IMMP2L: variants seen among roughly 807,000 people sequenced by gnomAD.
IMMP2L encodes inner mitochondrial membrane peptidase subunit 2.
A neutral mutation model predicts 19.3 loss-of-function variants in IMMP2L; 18 were observed. The ratio of observed to expected loss-of-function variants is 0.93; its 90% CI spans 0.64 to 1.38. The LOEUF (loss-of-function observed/expected upper bound fraction) is 1.38, where lower values mean the gene tolerates loss of function less well. IMMP2L is among the 40% of genes most tolerant of loss of function. The pLI, the probability that IMMP2L is intolerant of heterozygous loss-of-function variation, is 0.00. For missense variants in IMMP2L, 233 were observed against 218.2 expected, an observed-to-expected ratio of 1.07 and a Z score of -0.43; for synonymous variants, 76 against 73.0, an observed-to-expected ratio of 1.04 and a Z score of -0.21.
intron 1 of IMMP2L, among the ~76,000 whole-genome samples, chr7:111,526,869 CCAAATATGATGCCA>C (rs1846916864): frequency 6.6e-6 from 1 of 152,116 alleles, no homozygotes; most frequent in Admixed American, 6.6e-5. Context: ...CGGAATGCTT[CCAAATATGATGCCA>C]CAGCTATCTT....
chr7:111,438,664 G>C (rs1250218119), intron 3 of IMMP2L, among the ~76,000 whole-genome samples: 2 of 151,808 alleles, frequency 1.3e-5, no homozygotes, highest in Non-Finnish European at 2.9e-5. Flanking sequence ...TTACAATCTG[G>C]ACAAAGCTGA....
At chr7:111,137,739 T>G (rs1226656449) in intron 3 of IMMP2L, among the ~76,000 whole-genome samples, 1 of 152,214 alleles carries the variant, frequency 6.6e-6, no homozygotes, top group Non-Finnish European at 1.5e-5. Context: ...TGGATTTTTA[T>G]GAGAACTTTA....
intron 5 of IMMP2L, among the ~76,000 whole-genome samples, chr7:110,723,041 C>G (rs567318491): frequency 1.3e-5 from 2 of 152,208 alleles, no homozygotes; most frequent in Admixed American, 6.5e-5. Flanking sequence ...TAGGCAGATT[C>G]CCTTGTACCT....
intron 5 of IMMP2L, among the ~76,000 whole-genome samples, chr7:110,755,310 T>A (rs1235712151): frequency 6.6e-6 from 1 of 152,050 alleles, no homozygotes; most frequent in Non-Finnish European, 1.5e-5. Flanking sequence ...TTCTTCACAA[T>A]CATTAGAAAA....
chr7:111,529,680 A>C (rs1563317184), intron 1 of IMMP2L, among the ~76,000 whole-genome samples: 1 of 152,288 alleles, frequency 6.6e-6, no homozygotes, highest in East Asian at 1.9e-4. Flanking sequence ...AAAGATACCC[A>C]ATAAAAAAGT....
At chr7:110,777,871 T>C (rs1404508384) in intron 5 of IMMP2L, among the ~76,000 whole-genome samples, 1 of 152,024 alleles carries the variant, frequency 6.6e-6, no homozygotes, top group Admixed American at 6.6e-5. Flanking sequence ...TGAAAATAAG[T>C]CTTTCCTGTT....
chr7:110,782,598 G>T (rs186328959), intron 5 of IMMP2L, among the ~76,000 whole-genome samples: 1 of 151,752 alleles, frequency 6.6e-6, no homozygotes, highest in Admixed American at 6.6e-5. Context: ...ATGTTTATTT[G>T]CATATATTAG....
At chr7:111,433,864 A>G (rs1025250683) in intron 3 of IMMP2L, among the ~76,000 whole-genome samples, 1 of 151,808 alleles carries the variant, frequency 6.6e-6, no homozygotes, top group Non-Finnish European at 1.5e-5. Flanking sequence ...AAATGACCAT[A>G]CTACATGGAG....
intron 3 of IMMP2L, among the ~76,000 whole-genome samples, chr7:111,332,065 A>G (rs993771105): frequency 6.6e-6 from 1 of 151,954 alleles, no homozygotes; most frequent in African/African-American, 2.4e-5. Flanking sequence ...CAAAAACAAT[A>G]AGACAAAAAG....
intron 3 of IMMP2L, among the ~76,000 whole-genome samples, chr7:111,485,597 CAAAAAAAAAAAA>C (rs71147477): frequency 0.014 from 692 of 50,586 alleles, 14 homozygotes; most frequent in African/African-American, 0.056. Flanking sequence ...GACTCTGTTT[CAAAAAAAAAAAA>C]AAAAAAAAAA....
chr7:111,228,909 C>T (rs551049043), intron 3 of IMMP2L, among the ~76,000 whole-genome samples: 2 of 151,314 alleles, frequency 1.3e-5, no homozygotes, highest in South Asian at 4.2e-4. Context: ...TCAAAAATGA[C>T]CAAGAAGTAA....
chr7:111,220,660 T>C (rs1016785046), intron 3 of IMMP2L, among the ~76,000 whole-genome samples: 14 of 151,782 alleles, frequency 9.2e-5, no homozygotes, highest in African/African-American at 2.7e-4. Context: ...CAGAGACTGA[T>C]AGATATACAC....
intron 3 of IMMP2L, among the ~76,000 whole-genome samples, chr7:111,164,277 T>G (rs976979586): frequency 6.6e-6 from 1 of 152,036 alleles, no homozygotes; most frequent in African/African-American, 2.4e-5. Context: ...ACCAACCTAT[T>G]GCAGGGAGTG....
chr7:111,161,344 GCT>G (rs1366399048), intron 3 of IMMP2L, among the ~76,000 whole-genome samples: 4 of 151,774 alleles, frequency 2.6e-5, no homozygotes, highest in Non-Finnish European at 5.9e-5. Flanking sequence ...CGAACAAAAT[GCT>G]ATAAAAATAA....
At chr7:111,047,090 T>C (rs1157619942) in intron 3 of IMMP2L, among the ~76,000 whole-genome samples, 1 of 152,222 alleles carries the variant, frequency 6.6e-6, no homozygotes, top group Non-Finnish European at 1.5e-5. Context: ...TTCCTGTCTC[T>C]ATGCTGGAAA....
At chr7:111,300,830 T>C (rs1822143588) in intron 3 of IMMP2L, among the ~76,000 whole-genome samples, 1 of 152,182 alleles carries the variant, frequency 6.6e-6, no homozygotes, top group South Asian at 2.1e-4. Context: ...ACAATTAATT[T>C]CACCACTGAC....
At chr7:110,824,128 G>C (rs915532184) in intron 5 of IMMP2L, among the ~76,000 whole-genome samples, 1 of 151,968 alleles carries the variant, frequency 6.6e-6, no homozygotes, top group Non-Finnish European at 1.5e-5. Context: ...TGCTCAACTA[G>C]TTTACATTAT....
At chr7:111,005,598 A>G (rs1172444105) in intron 3 of IMMP2L, among the ~76,000 whole-genome samples, 2 of 152,306 alleles carry the variant, frequency 1.3e-5, no homozygotes, top group East Asian at 1.9e-4. Context: ...ATAAATCTAC[A>G]TAGTTTGTCA....
chr7:111,479,690 C>T (rs896217237), intron 3 of IMMP2L, among the ~76,000 whole-genome samples: 5 of 151,860 alleles, frequency 3.3e-5, no homozygotes, highest in African/African-American at 4.8e-5. Context: ...TTGCAAATGC[C>T]GTCTTGTACT....
Sources: gnomAD v4.1 joint callset for allele counts (sites outside exome capture counted in the v4.1 genomes callset) on GRCh38, gnomAD v4.1.1 for gene constraint, MANE v1.5 for transcripts, NCBI Gene and HGNC (gene_info 2026-07-23, HGNC 2026-07-21) for gene names.